Variants in MAPKAP1 observed in about 807,000 individuals in gnomAD.
MAPKAP1 encodes target of rapamycin complex 2 subunit MAPKAP1.
A neutral mutation model predicts 65.7 loss-of-function variants in MAPKAP1; 20 were observed. The ratio of observed to expected loss-of-function variants is 0.30; its 90% CI spans 0.21 to 0.44. The LOEUF is 0.44. MAPKAP1 is among the 20% of genes least tolerant of loss of function. The pLI is 1.00. For synonymous variants in MAPKAP1, 222 were observed against 244.3 expected (o/e 0.91, Z 0.85); for missense variants, 423 against 648.0 (o/e 0.65, Z 3.77).
chr9:125,613,346 A>T (rs183963910), intron 4 of MAPKAP1, among the ~76,000 whole-genome samples: 4 of 152,326 alleles, frequency 2.6e-5, no homozygotes, highest in Admixed American at 2.6e-4. Context: ...GATGGCTATC[A>T]GCTGTTAGTC....
At chr9:125,452,099 C>T (rs941743604) in intron 10 of MAPKAP1, among the ~76,000 whole-genome samples, 3 of 150,276 alleles carry the variant, frequency 2.0e-5, no homozygotes, top group East Asian at 2.0e-4. Flanking sequence ...CATGAGCCAC[C>T]GCACCAGCCC....
chr9:125,491,011 G>A (rs1243355469), intron 8 of MAPKAP1, among the ~76,000 whole-genome samples: 2 of 152,030 alleles, frequency 1.3e-5, no homozygotes, highest in Non-Finnish European at 2.9e-5. Context: ...GGCGGGGCAT[G>A]CCTGTAATCT....
At chr9:125,560,399 A>G (rs918747073) in intron 5 of MAPKAP1, among the ~76,000 whole-genome samples, 1 of 152,102 alleles carries the variant, frequency 6.6e-6, no homozygotes, top group Non-Finnish European at 1.5e-5. Context: ...TAGCTAGGCA[A>G]CATGGCAAAA....
At chr9:125,516,611 C>T (rs1564538664) in intron 7 of MAPKAP1, among the ~76,000 whole-genome samples, 2 of 152,214 alleles carry the variant, frequency 1.3e-5, no homozygotes, top group Non-Finnish European at 2.9e-5. Context: ...TGAGACAGAA[C>T]TACCCAATGT....
chr9:125,483,255 G>C (rs1355167633), intron 9 of MAPKAP1, among the ~76,000 whole-genome samples: 1 of 152,148 alleles, frequency 6.6e-6, no homozygotes, highest in African/African-American at 2.4e-5. Flanking sequence ...TTAAAACACT[G>C]GCTTAAGGTT....
chr9:125,691,419 TGAG>T (rs1018932981), intron 1 of MAPKAP1, among the ~76,000 whole-genome samples: 15 of 152,060 alleles, frequency 9.9e-5, no homozygotes, highest in Admixed American at 5.9e-4. Flanking sequence ...AGTGGGGAGA[TGAG>T]GAGTTATGTT....
chr9:125,508,376 C>G lies in MAPKAP1; in HGVS notation c.959-1959G>C, dbSNP rs114836831. ...GAAAACAGCTGTGGGCCCCTTTAGT[C>G]TAGCAGAGGAAAGGGAGTTACCCCT... On this transcript the variant is annotated intron_variant, in intron 7 of 11. Coordinates refer to ENST00000265960, the MANE Select transcript of MAPKAP1 (RefSeq NM_001006617.3). Among the ~76,000 whole-genome samples, 936 of 152,246 alleles carry G rather than the reference C, an allele frequency of 6.1e-3. 13 individuals are homozygous for G. Among genetic ancestry groups the G allele is most frequent in the African/African-American group, 0.021 (870 of 41,538 alleles).
chr9:125,490,653 T>A (rs1854674870), intron 8 of MAPKAP1, among the ~76,000 whole-genome samples: 1 of 152,246 alleles, frequency 6.6e-6, no homozygotes, highest in Non-Finnish European at 1.5e-5. Context: ...CTGAAAAGGC[T>A]ATTGAAATAT....
intron 4 of MAPKAP1, among the ~76,000 whole-genome samples, chr9:125,653,176 C>T (rs1488088663): frequency 6.6e-6 from 1 of 152,218 alleles, no homozygotes; most frequent in Non-Finnish European, 1.5e-5. Flanking sequence ...AGAGAAGAAA[C>T]ATTTTTTCCT....
chr9:125,491,132 T>C (rs1589232748), intron 8 of MAPKAP1, among the ~76,000 whole-genome samples: 4 of 107,386 alleles, frequency 3.7e-5, no homozygotes, highest in African/African-American at 3.8e-5. Flanking sequence ...AGAGCAAGAC[T>C]CCGTCTCAAA....
At chr9:125,556,086 A>G (rs1830726855) in intron 6 of MAPKAP1, among the ~76,000 whole-genome samples, 1 of 152,252 alleles carries the variant, frequency 6.6e-6, no homozygotes, top group Non-Finnish European at 1.5e-5. Flanking sequence ...AGCAGCTAAC[A>G]CTAAGATGAT....
intron 8 of MAPKAP1, among the ~76,000 whole-genome samples, chr9:125,501,893 C>T (rs1167683049): frequency 6.6e-6 from 1 of 152,018 alleles, no homozygotes; most frequent in Non-Finnish European, 1.5e-5. Flanking sequence ...ATCTGTGTTT[C>T]TCTTCCTTGT....
chr9:125,515,288 A>G (rs1463454749), intron 7 of MAPKAP1, among the ~76,000 whole-genome samples: 1 of 152,196 alleles, frequency 6.6e-6, no homozygotes, highest in African/African-American at 2.4e-5. Context: ...AACCTTCAGG[A>G]AAGGTTTTGA....
chr9:125,584,431 G>A (rs1325817487), intron 5 of MAPKAP1, among the ~76,000 whole-genome samples: 2 of 152,104 alleles, frequency 1.3e-5, no homozygotes, highest in African/African-American at 4.8e-5. Context: ...AAGGGGAAGA[G>A]AACATCTCCA....
intron 1 of MAPKAP1, among the ~76,000 whole-genome samples, chr9:125,697,083 C>T (rs905933923): frequency 1.3e-5 from 2 of 152,120 alleles, no homozygotes; most frequent in African/African-American, 4.8e-5. Context: ...ACCACCAATA[C>T]GAATACAACT....
chr9:125,510,965 C>T (rs929731515), intron 7 of MAPKAP1, among the ~76,000 whole-genome samples: 7 of 152,166 alleles, frequency 4.6e-5, no homozygotes, highest in African/African-American at 1.7e-4. Flanking sequence ...TTGCCTTGGC[C>T]TAAGTCCTGG....
At chr9:125,689,825 G>A (rs2131844459) in intron 1 of MAPKAP1, among the ~76,000 whole-genome samples, 1 of 151,908 alleles carries the variant, frequency 6.6e-6, no homozygotes, top group East Asian at 1.9e-4. Flanking sequence ...GGTGGCTCAC[G>A]CCTGTAATCC....
At chr9:125,580,568 G>C (rs552323550) in intron 5 of MAPKAP1, among the ~76,000 whole-genome samples, 115 of 151,594 alleles carry the variant, frequency 7.6e-4, no homozygotes, top group African/African-American at 2.7e-3. Flanking sequence ...ATGGCATTAA[G>C]TGAAATACCT....
intron 1 of MAPKAP1, among the ~76,000 whole-genome samples, chr9:125,702,799 C>T (rs1835641658): frequency 1.3e-5 from 2 of 150,128 alleles, no homozygotes; most frequent in South Asian, 4.2e-4. Flanking sequence ...TTGCAGTGAG[C>T]CAAGGTCATG....
Sources: gnomAD v4.1 joint callset for allele counts (sites outside exome capture counted in the v4.1 genomes callset) on GRCh38, gnomAD v4.1.1 for gene constraint, MANE v1.5 for transcripts, NCBI Gene and HGNC (gene_info 2026-07-23, HGNC 2026-07-21) for gene names.